The following AGAP1 variants were observed in gnomAD, a reference collection of about 807,000 sequenced individuals.
AGAP1 encodes ArfGAP with GTPase domain, ankyrin repeat and PH domain 1.
A neutral mutation model predicts 105.3 loss-of-function variants in AGAP1; 29 were observed. The observed-to-expected ratio is 0.28, with a 90% CI of 0.21 to 0.38. The LOEUF is 0.38. AGAP1 is among the 10% of genes least tolerant of loss of function. AGAP1 has a pLI of 1.00. For synonymous variants in AGAP1, 509 were observed against 485.9 expected (o/e 1.05, Z -0.63); for missense variants, 998 against 1,165.1 (o/e 0.86, Z 2.09).
intron 13 of AGAP1, among the ~76,000 whole-genome samples, chr2:235,969,609 C>T (rs551015518): frequency 3.9e-5 from 6 of 152,276 alleles, no homozygotes; most frequent in East Asian, 3.9e-4. Flanking sequence ...TTCAAACCTG[C>T]GAGCTGTCAG....
Position 235,740,333 on chromosome 2 carries a change from C to T in AGAP1, c.311-630C>T, listed in dbSNP as rs1157538589. ...GGTCCCGGTGGTCTCCCGCTAACCC[C>T]GCGTGGTCTCTAACGCCTCCTGTCA... On this transcript the variant is annotated intron_variant, in intron 3 of 17. Coordinates refer to ENST00000304032, the MANE Select transcript of AGAP1 (RefSeq NM_001037131.3). This position sits in a 1 kb window ranked among gnomAD's most constrained non-coding sequence, Gnocchi z 5.7. Among the ~76,000 whole-genome samples, 2 of 151,902 alleles carry T rather than the reference C, an allele frequency of 1.3e-5. No homozygotes were observed. Among genetic ancestry groups the T allele is most frequent in the Admixed American group, 6.6e-5 (1 of 15,248 alleles).
rs751281823 is a variant in AGAP1, at chr2:236,123,896, T to C, written c.2371-23T>C. 4.3e-6 allele frequency: 7 copies of C among 1,611,710 alleles called. 1 individual carries two copies. The highest frequency in any genetic ancestry group is 2.2e-5 in the South Asian group (2 of 90,938). ...TCCATCACATCCCCCATGATACTAA[T>C]GTGGGCTCCCTTACCTCCGCAGTAC... On this transcript the variant is annotated intron_variant, in intron 17 of 17. Transcript: ENST00000304032. This position sits in a 1 kb window ranked among gnomAD's most constrained non-coding sequence, Gnocchi z 4.6.
intron 16 of AGAP1, among the ~76,000 whole-genome samples, chr2:236,097,264 G>A (rs1576296528): frequency 6.6e-6 from 1 of 151,838 alleles, no homozygotes; most frequent in Non-Finnish European, 1.5e-5. Flanking sequence ...CAAAATGTGG[G>A]CTTGCAACTT....
At chr2:236,098,082 T>C (rs545346512) in intron 16 of AGAP1, among the ~76,000 whole-genome samples, 14 of 152,324 alleles carry the variant, frequency 9.2e-5, no homozygotes, top group Admixed American at 3.9e-4. Context: ...ATCTAAACTT[T>C]TGTCAATGAA....
intron 9 of AGAP1, among the ~76,000 whole-genome samples, chr2:235,849,508 A>G (rs1025166009): frequency 6.6e-6 from 1 of 152,064 alleles, no homozygotes; most frequent in African/African-American, 2.4e-5. Context: ...CAGGTTTGCA[A>G]AACATCACAG....
chr2:235,785,430 C>G (rs1210821306), intron 6 of AGAP1, among the ~76,000 whole-genome samples: 1 of 152,192 alleles, frequency 6.6e-6, no homozygotes, highest in Admixed American at 6.5e-5. Flanking sequence ...GGATCTGTCT[C>G]AAGGTTCCTG....
chr2:235,823,018 G>A (rs1042754759), intron 9 of AGAP1, among the ~76,000 whole-genome samples: 6 of 152,072 alleles, frequency 3.9e-5, no homozygotes, highest in Non-Finnish European at 7.4e-5. Flanking sequence ...TCACAAAGGC[G>A]CTGCCACAAA....
chr2:235,589,196 T>TG (rs1559270821), intron 1 of AGAP1, among the ~76,000 whole-genome samples: 1 of 83,492 alleles, frequency 1.2e-5, no homozygotes, highest in Non-Finnish European at 2.0e-5. Flanking sequence ...ATTGTTTTGT[T>TG]TTTTTTTTTT....
In AGAP1 at chr2:236,046,877, A is replaced by C; in HGVS notation, c.1892-2182A>C. Among the ~76,000 whole-genome samples the C allele has an allele frequency of 6.6e-6, 1 of 152,214 alleles. No individual in the cohort carries two copies. Among genetic ancestry groups the C allele is most frequent in the Admixed American group, 6.5e-5 (1 of 15,286 alleles). On this transcript the variant is annotated intron_variant, in intron 15 of 17. Coordinates refer to ENST00000304032, the MANE Select transcript of AGAP1 (RefSeq NM_001037131.3). The surrounding 1 kb of genome is among the most constrained non-coding windows in gnomAD (Gnocchi z 5.2). ...GCCCAGCACAGTGGCTCATGCCTGT[A>C]ATCCCAACACTTTGGGAGGCCCAGG...
intron 1 of AGAP1, among the ~76,000 whole-genome samples, chr2:235,512,807 AG>A (rs1942205526): frequency 6.6e-6 from 1 of 152,220 alleles, no homozygotes; most frequent in Non-Finnish European, 1.5e-5. Flanking sequence ...CGCCAGCCAG[AG>A]AATCTGCCCT....
chr2:235,787,635 C>T lies in AGAP1; in HGVS notation c.674-10124C>T, dbSNP rs1186442358. On this transcript the variant is annotated intron_variant, in intron 6 of 17. Transcript: ENST00000304032. The surrounding 1 kb of genome is among the most constrained non-coding windows in gnomAD (Gnocchi z 4.4). ...AATTGCCTGGCATATACTAGTTGCTCAATAAAAACAGTCAGTAAATGGGAT... is the reference window on the plus strand; with the variant it reads ...AATTGCCTGGCATATACTAGTTGCTTAATAAAAACAGTCAGTAAATGGGAT... 1.3e-5 allele frequency among the ~76,000 whole-genome samples: 2 copies of T among 152,058 alleles called. No individual in the cohort carries two copies. Among genetic ancestry groups the T allele is most frequent in the African/African-American group, 4.8e-5 (2 of 41,402 alleles).
chr2:236,065,894 C>A (rs2058332407), intron 16 of AGAP1, among the ~76,000 whole-genome samples: 1 of 152,234 alleles, frequency 6.6e-6, no homozygotes, highest in Non-Finnish European at 1.5e-5. Context: ...CATCATTAAA[C>A]GTGACAAGTC....
intron 9 of AGAP1, among the ~76,000 whole-genome samples, chr2:235,857,637 T>C (rs2048744959): frequency 6.6e-6 from 1 of 152,232 alleles, no homozygotes; most frequent in Non-Finnish European, 1.5e-5. Flanking sequence ...TTTCTCCACA[T>C]ATACACCATA....
chr2:235,497,750 T>A (rs1384138770), intron 1 of AGAP1, among the ~76,000 whole-genome samples: 3 of 152,146 alleles, frequency 2.0e-5, no homozygotes, highest in East Asian at 1.9e-4. Context: ...GCCCACCACC[T>A]CGCCTGGCTA....
At chr2:235,836,198 T>C (rs1016613758) in intron 9 of AGAP1, among the ~76,000 whole-genome samples, 4 of 152,248 alleles carry the variant, frequency 2.6e-5, no homozygotes, top group Admixed American at 2.6e-4. Flanking sequence ...TAAAGCCCTT[T>C]AGCCGGCTTT....
rs142735894 is a variant in AGAP1, at chr2:235,699,836, G to T, written c.164-9343G>T. Among the ~76,000 whole-genome samples, 8 of 152,362 alleles carry T rather than the reference G, an allele frequency of 5.3e-5. No individual in the cohort carries two copies. In the East Asian group the frequency reaches 1.5e-3, roughly 29 times the overall value. On this transcript the variant is annotated intron_variant, in intron 1 of 17. Transcript: ENST00000304032. ...GAATTAAAGATGGAAGTGAGAGCCTGTGAAACAAGGAAGCTATGAGGTGTG... is the reference window on the plus strand; with the variant it reads ...GAATTAAAGATGGAAGTGAGAGCCTTTGAAACAAGGAAGCTATGAGGTGTG...
chr2:235,571,805 C>A (rs1302579222), intron 1 of AGAP1, among the ~76,000 whole-genome samples: 1 of 151,762 alleles, frequency 6.6e-6, no homozygotes, highest in Non-Finnish European at 1.5e-5. Context: ...ACTTTGTAGC[C>A]CAGGCTGGTC....
chr2:235,871,706 A>G (rs1283999620), intron 9 of AGAP1, among the ~76,000 whole-genome samples: 1 of 152,236 alleles, frequency 6.6e-6, no homozygotes, highest in Non-Finnish European at 1.5e-5. Flanking sequence ...ACTGTTTCTT[A>G]TAACACTGTG....
intron 1 of AGAP1, among the ~76,000 whole-genome samples, chr2:235,688,340 T>A (rs1270187712): frequency 6.6e-6 from 1 of 152,182 alleles, no homozygotes; most frequent in Non-Finnish European, 1.5e-5. Flanking sequence ...GGGGAGCAGG[T>A]GTGTGCAGGA....
Sources: allele counts gnomAD v4.1 joint callset (sites outside exome capture counted in the v4.1 genomes callset), GRCh38; gene constraint gnomAD v4.1.1; non-coding constraint Gnocchi (gnomAD v3.1); transcripts MANE v1.5; gene names NCBI Gene and HGNC (gene_info 2026-07-23, HGNC 2026-07-21).